The following CCNY variants were observed in gnomAD, a reference collection of about 807,000 sequenced individuals.
The protein encoded by CCNY is cyclin Y, also known as cyclin-Y.
CCNY carries 19 observed loss-of-function variants against 42.8 expected under a neutral mutation model. That is an observed-to-expected ratio of 0.44 (90% CI 0.31 to 0.65). The LOEUF is 0.65. CCNY is among the 30% of genes least tolerant of loss of function. The pLI, the probability that CCNY is intolerant of heterozygous loss-of-function variation, is 0.07. For synonymous variants in CCNY, 165 were observed against 162.7 expected, an observed-to-expected ratio of 1.01 and a Z score of -0.11; for missense variants, 370 against 437.3, an observed-to-expected ratio of 0.85 and a Z score of 1.37.
chr10:35,339,507 G>T (rs541692302), intron 1 of CCNY, among the ~76,000 whole-genome samples: 34 of 152,270 alleles, frequency 2.2e-4, no homozygotes, highest in African/African-American at 7.5e-4. Flanking sequence ...TATATTGATT[G>T]TTAGGTTATT....
At chr10:35,309,861 G>GCAAT (rs1835661714) in intron 3 of CCNY, among the ~76,000 whole-genome samples, 1 of 152,044 alleles carries the variant, frequency 6.6e-6, no homozygotes, top group African/African-American at 2.4e-5. Context: ...GTGCAGTGGT[G>GCAAT]CAATCTCCAC....
chr10:35,281,295 T>G (rs186796825), intron 3 of CCNY, among the ~76,000 whole-genome samples: 53 of 151,942 alleles, frequency 3.5e-4, no homozygotes, highest in African/African-American at 1.1e-3. Context: ...TATTTATTAT[T>G]TATTTATTTA....
rs760421594 is a variant in CCNY at position 35,337,170 on chromosome 10, C to T, written c.117C>T (p.Cys39=). The change falls in exon 1 of 10, where the codon TGC becomes TGT. Residue 39 remains cysteine, a synonymous_variant. Transcript: ENST00000374704. ...ACCTGAGCCGCGAGGACACGGGCTG[C>T]AACCTGCAGCACATCAGCGACCGGG... ...DTDLSREDTG[C]NLQHISDREN... is the part of the protein sequence containing the mutation. 7 of 1,572,738 alleles carry T rather than the reference C, an allele frequency of 4.5e-6. No individual in the cohort carries two copies. The Admixed American group carries it at 1.1e-4, about 25-fold the overall frequency.
chr10:35,571,289 A>G lies in CCNY; in HGVS notation c.*2119A>G, dbSNP rs971745958. The stretch of plus-strand genomic sequence containing the variant: ...ATGTAAATATTTCAATGCATCTGCT[A>G]TTATTTTGTGGAGTTTATTAAACTA... On this transcript the variant is annotated 3_prime_UTR_variant, in exon 10 of 10. Transcript: ENST00000374704. The G allele has an allele frequency of 3.3e-5, 5 of 152,226 alleles. No individual in the cohort carries two copies. Among genetic ancestry groups the G allele is most frequent in the African/African-American group, 9.6e-5 (4 of 41,456 alleles). 9.4% of individuals were successfully genotyped at this position (152,226 alleles called of 1,614,324 possible).
In CCNY at chr10:35,441,404, C is replaced by A. The variant is rs114393880; in HGVS notation, c.155-42000C>A. On this transcript the variant is annotated intron_variant, in intron 1 of 9. Coordinates refer to ENST00000374704, the MANE Select transcript of CCNY (RefSeq NM_145012.6). ...CTATGTATCTGCATTGTGTACGTTT[C>A]TTGTTTTCTTAATTTTAGGGCCCTA... Among the ~76,000 whole-genome samples, 1,324 of 152,244 alleles carry A rather than the reference C, an allele frequency of 8.7e-3. 22 individuals are homozygous for A. The highest frequency in any genetic ancestry group is 0.03 in the African/African-American group (1,263 of 41,524).
chr10:35,556,997 A>G (rs899648083), intron 8 of CCNY, among the ~76,000 whole-genome samples: 1 of 152,112 alleles, frequency 6.6e-6, no homozygotes, highest in Non-Finnish European at 1.5e-5. Context: ...GGCGCCCGCC[A>G]TTAGTCCTGA....
chr10:35,249,477 G>A (rs185901036), intron 2 of CCNY, among the ~76,000 whole-genome samples: 2 of 152,278 alleles, frequency 1.3e-5, no homozygotes, highest in East Asian at 3.9e-4. Flanking sequence ...GATAGAGAAT[G>A]AGTCTTGGTC....
rs1841686408 is a variant in CCNY at position 35,571,583 on chromosome 10, A to G, written c.*2413A>G. Reference sequence around the variant, plus strand: ...AGATTTTAGTTTTACTGGCAGGATGAATCACTTGACACATAGGTAGATACT... The same window carrying G: ...AGATTTTAGTTTTACTGGCAGGATGGATCACTTGACACATAGGTAGATACT... On this transcript the variant is annotated 3_prime_UTR_variant, in exon 10 of 10. Transcript: ENST00000374704. 2.0e-5 allele frequency: 3 copies of G among 152,486 alleles called. No individual in the cohort carries two copies. The South Asian group carries it at 6.2e-4, about 32-fold the overall frequency. The allele number at this position is 152,486 out of a possible 1,614,324, so 9.4% of individuals were successfully genotyped here.
chr10:35,431,833 G>GT (rs1838418441), intron 1 of CCNY, among the ~76,000 whole-genome samples: 1 of 152,008 alleles, frequency 6.6e-6, no homozygotes, highest in Admixed American at 6.5e-5. Context: ...TAGCCTCCTA[G>GT]TTTTTTGTTG....
At chr10:35,471,253 C>T (rs767358004) in intron 1 of CCNY, among the ~76,000 whole-genome samples, 3 of 151,828 alleles carry the variant, frequency 2.0e-5, no homozygotes, top group East Asian at 1.9e-4. Context: ...AAGGGGGATG[C>T]GAGGGGCTTG....
chr10:35,479,608 G>C (rs1288813855), intron 1 of CCNY, among the ~76,000 whole-genome samples: 1 of 131,318 alleles, frequency 7.6e-6, no homozygotes, highest in Non-Finnish European at 1.6e-5. Flanking sequence ...GACTGTTGTG[G>C]GGTGGGGGGA....
chr10:35,350,338 AT>A (rs1370067023), intron 1 of CCNY, among the ~76,000 whole-genome samples: 9 of 150,598 alleles, frequency 6.0e-5, no homozygotes, highest in African/African-American at 1.7e-4. Context: ...TTTCTTATTC[AT>A]TTTTCACATT....
chr10:35,407,610 T>C (rs1020085922), intron 1 of CCNY, among the ~76,000 whole-genome samples: 3 of 152,046 alleles, frequency 2.0e-5, no homozygotes, highest in African/African-American at 4.8e-5. Context: ...CGAGTTTGTA[T>C]TGGGGTCAAG....
chr10:35,287,194 G>A (rs1213527486), intron 3 of CCNY, among the ~76,000 whole-genome samples: 3 of 152,110 alleles, frequency 2.0e-5, no homozygotes, highest in Non-Finnish European at 1.5e-5. Flanking sequence ...ACTATAGTTT[G>A]TCCAAATAGA....
At position 35,537,043 on chromosome 10, in the gene CCNY, G is replaced by A. The variant is rs534414188; in HGVS notation, c.579+6800G>A. ...AGGAGAAAAGCGTTTTGTAGCCTGG[G>A]CCCACGGTTCCTGTGCTATGTGCAG... On this transcript the variant is annotated intron_variant, in intron 7 of 9. Coordinates refer to ENST00000374704, the MANE Select transcript of CCNY (RefSeq NM_145012.6). Among the ~76,000 whole-genome samples, 7 of 152,252 alleles carry A rather than the reference G, an allele frequency of 4.6e-5. No individual in the cohort carries two copies. The South Asian group carries it at 1.2e-3, about 27-fold the overall frequency.
chr10:35,320,092 C>T (rs1393488420), intron 3 of CCNY, among the ~76,000 whole-genome samples: 2 of 152,090 alleles, frequency 1.3e-5, no homozygotes, highest in Non-Finnish European at 2.9e-5. Context: ...AACAAACACA[C>T]ACAAACTCAT....
intron 1 of CCNY, among the ~76,000 whole-genome samples, chr10:35,422,981 A>G (rs1388205691): frequency 3.3e-5 from 5 of 152,226 alleles, no homozygotes; most frequent in Admixed American, 2.6e-4. Flanking sequence ...TACTGAATCA[A>G]CCACAGTTAC....
chr10:35,261,182 G>C (rs886998782), intron 3 of CCNY, among the ~76,000 whole-genome samples: 4 of 150,576 alleles, frequency 2.7e-5, no homozygotes, highest in Non-Finnish European at 5.9e-5. Context: ...CTTGAGGTCA[G>C]CAGTTTGAGA....
chr10:35,487,210 G>T (rs1468352079), intron 2 of CCNY, among the ~76,000 whole-genome samples: 1 of 151,978 alleles, frequency 6.6e-6, no homozygotes, highest in African/African-American at 2.4e-5. Flanking sequence ...TTTTTTTCTA[G>T]TTGGAAGAAA....
Sources: gnomAD v4.1 joint callset for allele counts (sites outside exome capture counted in the v4.1 genomes callset) on GRCh38, gnomAD v4.1.1 for gene constraint, MANE v1.5 for transcripts, NCBI Gene and HGNC (gene_info 2026-07-23, HGNC 2026-07-21) for gene names.